Variants in ARHGAP21 observed in about 807,000 individuals in gnomAD.
The protein encoded by ARHGAP21 is rho GTPase-activating protein 21.
In ARHGAP21, 38 loss-of-function variants were observed where a neutral mutation model predicts 164.6. The ratio of observed to expected loss-of-function variants is 0.23; its 90% CI spans 0.18 to 0.30. The LOEUF is 0.30. Among genes scored for constraint, ARHGAP21 ranks in the 10% least tolerant of loss-of-function variants. The pLI, the probability that ARHGAP21 is intolerant of heterozygous loss-of-function variation, is 1.00. For missense variants in ARHGAP21, 1,822 were observed against 2,370.7 expected, an observed-to-expected ratio of 0.77 and a Z score of 4.81; for synonymous variants, 766 against 857.9, an observed-to-expected ratio of 0.89 and a Z score of 1.87.
chr10:24,672,977 T>C lies in ARHGAP21; in HGVS notation c.64-2580A>G, dbSNP rs183836447. Among the ~76,000 whole-genome samples, 13 of 152,208 alleles carry C rather than the reference T, an allele frequency of 8.5e-5. No individual in the cohort carries two copies. In the East Asian group the frequency reaches 2.3e-3, roughly 27 times the overall value. Reference sequence around the variant, plus strand: ...TTTATAATTACATTAAAATATGAAATATTTAGGGATAAATCTGACAAAAGA... The same window carrying C: ...TTTATAATTACATTAAAATATGAAACATTTAGGGATAAATCTGACAAAAGA... On this transcript the variant is annotated intron_variant, in intron 2 of 25. Coordinates refer to ENST00000396432, the MANE Select transcript of ARHGAP21 (RefSeq NM_020824.4).
intron 4 of ARHGAP21, among the ~76,000 whole-genome samples, chr10:24,659,073 A>G (rs1277048526): frequency 6.6e-6 from 1 of 152,220 alleles, no homozygotes; most frequent in Non-Finnish European, 1.5e-5. Context: ...TAGAACCCTC[A>G]TTCATTGCTG....
chr10:24,710,309 C>A (rs1439548721), intron 2 of ARHGAP21, among the ~76,000 whole-genome samples: 3 of 152,132 alleles, frequency 2.0e-5, no homozygotes, highest in Non-Finnish European at 4.4e-5. Context: ...CTAGCTGTAG[C>A]ATATTCAGAA....
chr10:24,596,426 T>C, intron 17 of ARHGAP21: 1 of 511,462 alleles, frequency 2.0e-6, no homozygotes, highest in South Asian at 3.3e-5. Context: ...TTTACATGTA[T>C]TATACTTTCT....
At chr10:24,659,237 C>CA (rs1839421028) in intron 4 of ARHGAP21, among the ~76,000 whole-genome samples, 1 of 152,222 alleles carries the variant, frequency 6.6e-6, no homozygotes, top group African/African-American at 2.4e-5. Flanking sequence ...CCTGTGCATG[C>CA]ATGTTCACAG....
intron 17 of ARHGAP21, chr10:24,596,511 C>T (rs2076587412): frequency 6.8e-6 from 4 of 584,748 alleles, no homozygotes; most frequent in Non-Finnish European, 1.1e-5. Flanking sequence ...CGAATTCTTA[C>T]AGACCATTTC....
chr10:24,619,261 GT>G (rs11389803), intron 9 of ARHGAP21, among the ~76,000 whole-genome samples: 77 of 148,892 alleles, frequency 5.2e-4, no homozygotes, highest in African/African-American at 1.6e-3. Context: ...TGAAGTTTTT[GT>G]TTTTTTTTTA....
At chr10:24,607,301 CAT>C (rs1365485293) in intron 11 of ARHGAP21, 196 bp downstream of exon 11, 8 of 590,188 alleles carry the variant, frequency 1.4e-5, no homozygotes, top group South Asian at 2.3e-5. Flanking sequence ...GAGTATTTAA[CAT>C]ATTTTTCTAC....
intron 2 of ARHGAP21, among the ~76,000 whole-genome samples, chr10:24,680,648 AG>A (rs1357119506): frequency 2.6e-5 from 4 of 152,250 alleles, no homozygotes; most frequent in Non-Finnish European, 5.9e-5. Context: ...AGTCTCCTAG[AG>A]GGTTACATTT....
In ARHGAP21 at chr10:24,633,864, G is replaced by A. The variant is rs182387846; in HGVS notation, c.362-384C>T. Among the ~76,000 whole-genome samples the A allele has an allele frequency of 2.9e-5, 4 of 136,452 alleles. No homozygotes were observed. The East Asian group carries it at 6.4e-4, about 22-fold the overall frequency. 89.5% of individuals were successfully genotyped at this position (136,452 alleles called of 152,430 possible). On this transcript the variant is annotated intron_variant, in intron 5 of 25. Transcript: ENST00000396432. ...GTTGCAGAACTAATTATCTCTCCAC[G>A]TACCCTGTCTTTTTTTCTCTTTTTT... is the stretch of plus-strand genomic sequence containing the variant.
chr10:24,602,103 T>A lies in ARHGAP21; in HGVS notation c.2722A>T (p.Ile908Phe), dbSNP rs757688611. 3.1e-6 allele frequency: 5 copies of A among 1,612,322 alleles called. No individual in the cohort carries two copies. The African/African-American group carries it at 6.7e-5, about 22-fold the overall frequency. ...KHVSSLKGIK[I>F]ADSQKSSEDS... ...TCTGATGACTTTTGGCTGTCTGCGA[T>A]CTATAGAAAAGACCAAGAAAACAGT... Residue 908 changes from isoleucine to phenylalanine, a missense_variant and splice_region_variant, in exon 13 of 26, where the codon ATC (isoleucine) becomes TTC (phenylalanine). Physicochemically the swap from Ile to Phe is conservative, Grantham distance 21 (BLOSUM62 0). Coordinates refer to ENST00000396432, the MANE Select transcript of ARHGAP21 (RefSeq NM_020824.4).
intron 2 of ARHGAP21, among the ~76,000 whole-genome samples, chr10:24,670,826 G>A (rs577246888): frequency 6.6e-6 from 1 of 152,036 alleles, no homozygotes; most frequent in Admixed American, 6.6e-5. Flanking sequence ...AGCAACAAAG[G>A]ACATTAGAAA....
At chr10:24,722,481 C>CT in intron 1 of ARHGAP21, 2 of 156,174 alleles carry the variant, frequency 1.3e-5, no homozygotes, top group Admixed American at 6.2e-5. Context: ...TTGCGTCAAA[C>CT]ACACCTGGCT....
chr10:24,672,983 G>C (rs1479945364), intron 2 of ARHGAP21, among the ~76,000 whole-genome samples: 5 of 152,020 alleles, frequency 3.3e-5, no homozygotes, highest in Admixed American at 2.6e-4. Flanking sequence ...GAAATATTTA[G>C]GGATAAATCT....
intron 2 of ARHGAP21, among the ~76,000 whole-genome samples, chr10:24,701,053 C>T (rs1329110826): frequency 6.6e-6 from 1 of 152,146 alleles, no homozygotes; most frequent in Non-Finnish European, 1.5e-5. Context: ...CCTCCGTCTA[C>T]TGGTGTTAGA....
At position 24,721,958 on chromosome 10, in the gene ARHGAP21, G is replaced by C; in HGVS notation, c.-59C>G. On this transcript the variant is annotated 5_prime_UTR_variant, in exon 2 of 26. Transcript: ENST00000396432. ...TTGGAGTCCACATTGGACGTGGCGG[G>C]GAATGCCACCACACACCCGAAGGGG... 6 of 1,562,630 alleles carry C rather than the reference G, an allele frequency of 3.8e-6. No individual in the cohort carries two copies. Among genetic ancestry groups the C allele is most frequent in the Non-Finnish European group, 5.3e-6 (6 of 1,137,434 alleles).
chr10:24,722,755 G>C (rs934659757), intron 1 of ARHGAP21: 1 of 151,834 alleles, frequency 6.6e-6, no homozygotes. Context: ...GGGTGACTCG[G>C]GCGCCGCCCC....
chr10:24,629,446 A>AT (rs1234952649), intron 7 of ARHGAP21: 2 of 152,298 alleles, frequency 1.3e-5, no homozygotes, highest in African/African-American at 4.8e-5. Context: ...ACCATAACAT[A>AT]TTTTCCCCTT....
intron 24 of ARHGAP21, chr10:24,590,232 TCAGAAATAACAAGAAACAG>T: frequency 6.8e-7 from 1 of 1,469,448 alleles, no homozygotes; most frequent in Non-Finnish European, 9.0e-7. Context: ...AGGGTCTGCT[TCAGAAATAACAAGAAACAG>T]CAGAAAAACT....
At chr10:24,612,668 T>C (rs183460164) in intron 9 of ARHGAP21, among the ~76,000 whole-genome samples, 148 of 151,784 alleles carry the variant, frequency 9.8e-4, no homozygotes, top group South Asian at 8.6e-3. Context: ...TCCTGGTTAA[T>C]ACGGTGAAAC....
Sources: gnomAD v4.1 joint callset for allele counts (sites outside exome capture counted in the v4.1 genomes callset) on GRCh38, gnomAD v4.1.1 for gene constraint, MANE v1.5 for transcripts, NCBI Gene and HGNC (gene_info 2026-07-23, HGNC 2026-07-21) for gene names.